The following CSMD1 variants were observed in gnomAD, a reference collection of about 807,000 sequenced individuals.
CSMD1 encodes the protein CUB and sushi domain-containing protein 1.
Under a neutral mutation model 417.5 loss-of-function variants are expected in CSMD1, and 213 were observed. The observed-to-expected ratio is 0.51, with a 90% CI of 0.46 to 0.57. CSMD1 has a LOEUF of 0.57. Ranked by LOEUF, CSMD1 falls within the 20% of genes least tolerant of loss-of-function variation. The pLI is 0.00. For synonymous variants in CSMD1, 2,862 were observed against 1,736.8 expected, an observed-to-expected ratio of 1.65 and a Z score of -16.11; for missense variants, 6,923 against 4,529.7, an observed-to-expected ratio of 1.53 and a Z score of -15.17.
At chr8:3,010,151 A>G (rs1387020478) in intron 52 of CSMD1, among the ~76,000 whole-genome samples, 1 of 152,154 alleles carries the variant, frequency 6.6e-6, no homozygotes, top group Non-Finnish European at 1.5e-5. Flanking sequence ...CCCCAAAGGA[A>G]GAGCTGCCCA....
intron 2 of CSMD1, among the ~76,000 whole-genome samples, chr8:4,441,766 A>G (rs1798496861): frequency 6.6e-6 from 1 of 152,182 alleles, no homozygotes; most frequent in African/African-American, 2.4e-5. Context: ...AGTCCATTTG[A>G]CTGACTAATC....
At chr8:4,599,848 C>A (rs1304172422) in intron 2 of CSMD1, among the ~76,000 whole-genome samples, 1 of 152,174 alleles carries the variant, frequency 6.6e-6, no homozygotes, top group Non-Finnish European at 1.5e-5. Context: ...CAAATGATCT[C>A]CAACTTAGAG....
intron 5 of CSMD1, among the ~76,000 whole-genome samples, chr8:3,854,741 G>T (rs572502960): frequency 7.7e-6 from 1 of 129,808 alleles, no homozygotes; most frequent in African/African-American, 3.3e-5. Context: ...AAACTCCAGA[G>T]GGGGTAAAAA....
At chr8:3,294,443 G>A (rs1803810881) in intron 25 of CSMD1, among the ~76,000 whole-genome samples, 1 of 152,204 alleles carries the variant, frequency 6.6e-6, no homozygotes, top group African/African-American at 2.4e-5. Context: ...GAGGCAGGCA[G>A]GCTTCCTTGA....
chr8:4,399,935 G>A (rs1010156902), intron 3 of CSMD1, among the ~76,000 whole-genome samples: 1 of 152,086 alleles, frequency 6.6e-6, no homozygotes, highest in African/African-American at 2.4e-5. Context: ...TTTTTCTCCA[G>A]ACCTCATCTA....
Position 4,551,275 on chromosome 8 carries a change from A to G in CSMD1, c.302+86067T>C, listed in dbSNP as rs764539502. On this transcript the variant is annotated intron_variant, in intron 2 of 69. Transcript: ENST00000635120. ...GCTATCTTTTTATAGTTAAAATCCA[A>G]CTGACTCAAGGCTGTATGTGAAACC... 5.9e-5 allele frequency among the ~76,000 whole-genome samples: 9 copies of G among 151,958 alleles called. No homozygotes were observed. The South Asian group carries it at 1.0e-3, about 18-fold the overall frequency.
intron 1 of CSMD1, among the ~76,000 whole-genome samples, chr8:4,752,891 T>C (rs1811424220): frequency 6.6e-6 from 1 of 152,192 alleles, no homozygotes; most frequent in Non-Finnish European, 1.5e-5. Flanking sequence ...CCAAAGATCC[T>C]GCACCACACT....
In CSMD1 at chr8:4,356,998, G is replaced by A. The variant is rs201235751; in HGVS notation, c.415+62955C>T. ...CTATGTGAATATGTGAATATATGAA[G>A]ATAAACGAATTTCAATTGCTATAAA... On this transcript the variant is annotated intron_variant, in intron 3 of 69. Transcript: ENST00000635120. 3.9e-5 allele frequency among the ~76,000 whole-genome samples: 6 copies of A among 152,234 alleles called. No individual in the cohort carries two copies. In the East Asian group the frequency reaches 1.2e-3, roughly 29 times the overall value.
chr8:3,362,771 C>T (rs1013934080), intron 20 of CSMD1, among the ~76,000 whole-genome samples: 28 of 151,418 alleles, frequency 1.8e-4, no homozygotes, highest in African/African-American at 6.4e-4. Context: ...AAATCTTGAC[C>T]CCACTCTGTA....
At chr8:4,282,894 T>C (rs1425367262) in intron 3 of CSMD1, among the ~76,000 whole-genome samples, 1 of 152,222 alleles carries the variant, frequency 6.6e-6, no homozygotes, top group Non-Finnish European at 1.5e-5. Flanking sequence ...CATTAATGGT[T>C]GAACTTACCA....
intron 5 of CSMD1, among the ~76,000 whole-genome samples, chr8:3,970,117 A>T (rs1276562306): frequency 6.6e-6 from 1 of 152,216 alleles, no homozygotes; most frequent in Non-Finnish European, 1.5e-5. Flanking sequence ...GAGAAATCTT[A>T]AAATGCTCAA....
chr8:4,228,710 G>C (rs1333719341), intron 3 of CSMD1, among the ~76,000 whole-genome samples: 1 of 151,104 alleles, frequency 6.6e-6, no homozygotes, highest in Non-Finnish European at 1.5e-5. Flanking sequence ...TTGAGATGGA[G>C]TCTACCTCTG....
At chr8:4,639,383 C>G (rs1433507286) in intron 1 of CSMD1, among the ~76,000 whole-genome samples, 2 of 151,704 alleles carry the variant, frequency 1.3e-5, no homozygotes, top group Non-Finnish European at 2.9e-5. Flanking sequence ...TGGAAGTGTG[C>G]TCTCATAAAC....
chr8:3,384,733 A>AAT (rs1240437085), intron 18 of CSMD1, among the ~76,000 whole-genome samples: 12 of 123,624 alleles, frequency 9.7e-5, no homozygotes, highest in Non-Finnish European at 1.5e-4. Flanking sequence ...ATTTATATAT[A>AAT]TTATATAAAT....
At chr8:3,644,667 T>C (rs1022131363) in intron 7 of CSMD1, among the ~76,000 whole-genome samples, 1 of 152,084 alleles carries the variant, frequency 6.6e-6, no homozygotes, top group Admixed American at 6.6e-5. Context: ...CAGGTTCAAG[T>C]GGCTGAAGAA....
chr8:4,738,729 A>G (rs1810405539), intron 1 of CSMD1, among the ~76,000 whole-genome samples: 1 of 152,234 alleles, frequency 6.6e-6, no homozygotes, highest in East Asian at 1.9e-4. Context: ...AATTTGCTGT[A>G]TCATAATGAT....
rs184769900 is a variant in CSMD1 at position 4,227,790 on chromosome 8, C to G, written c.415+192163G>C. Among the ~76,000 whole-genome samples, 353 of 150,826 alleles carry G rather than the reference C, an allele frequency of 2.3e-3. 2 individuals carry two copies. Among genetic ancestry groups the G allele is most frequent in the African/African-American group, 8.1e-3 (332 of 40,930 alleles). ...TCAATCCCAAACCAGGAGACACACC[C>G]TCCATCCTACAGTCAACCCCACACC... is the stretch of plus-strand genomic sequence containing the variant. On this transcript the variant is annotated intron_variant, in intron 3 of 69. Coordinates refer to ENST00000635120, the MANE Select transcript of CSMD1 (RefSeq NM_033225.6).
chr8:3,907,196 A>G (rs1808171603), intron 5 of CSMD1, among the ~76,000 whole-genome samples: 1 of 152,222 alleles, frequency 6.6e-6, no homozygotes, highest in South Asian at 2.1e-4. Context: ...TGAATCAGCG[A>G]TCTGATCTCA....
chr8:3,965,810 G>A (rs928169253), intron 5 of CSMD1, among the ~76,000 whole-genome samples: 6 of 151,864 alleles, frequency 4.0e-5, no homozygotes, highest in African/African-American at 1.5e-4. Flanking sequence ...GTAGAGATGG[G>A]GTTTCACCAT....
Sources: allele counts gnomAD v4.1 joint callset (sites outside exome capture counted in the v4.1 genomes callset), GRCh38; gene constraint gnomAD v4.1.1; transcripts MANE v1.5; gene names NCBI Gene and HGNC (gene_info 2026-07-23, HGNC 2026-07-21).